Variants in FIGNL2 observed in about 807,000 individuals in gnomAD.
FIGNL2 encodes fidgetin-like protein 2.
For synonymous variants in FIGNL2, 565 were observed against 484.0 expected (o/e 1.17, Z -2.20); for missense variants, 1,060 against 950.2 (o/e 1.12, Z -1.52).
intron 1 of FIGNL2, chr12:51,845,535 C>A (rs1180928650): frequency 1.0e-6 from 1 of 985,308 alleles, no homozygotes; most frequent in East Asian, 1.1e-4. Context: ...GGCCTGGAGT[C>A]CACATCTCCC....
intron 1 of FIGNL2, among the ~76,000 whole-genome samples, chr12:51,836,566 G>A (rs1346695043): frequency 6.6e-6 from 1 of 152,056 alleles, no homozygotes; most frequent in Non-Finnish European, 1.5e-5. Context: ...GGTGGGGGGC[G>A]GATACTTCAG....
chr12:51,829,161 C>T (rs895444363), intron 1 of FIGNL2, among the ~76,000 whole-genome samples: 2 of 152,248 alleles, frequency 1.3e-5, no homozygotes, highest in Admixed American at 6.5e-5. Context: ...ATTATCTCAG[C>T]CTGGAACAAA....
At chr12:51,824,926 C>T (rs1181403370) in intron 1 of FIGNL2, among the ~76,000 whole-genome samples, 1 of 151,734 alleles carries the variant, frequency 6.6e-6, no homozygotes, top group Non-Finnish European at 1.5e-5. Flanking sequence ...TGCCTGTCAT[C>T]CCAGCTACTC....
chr12:51,820,460 C>T lies in FIGNL2; in HGVS notation c.1954G>A (p.Gly652Arg), dbSNP rs370766286. The change falls in exon 2 of 2, where the codon GGA becomes AGA. Residue 652 changes from glycine (G) to arginine (R), a missense_variant. Physicochemically the swap from Gly to Arg is moderately radical, Grantham distance 125 (BLOSUM62 -2). Transcript: ENST00000618634. ...FVEWDKMYGSGH is the reference protein window; with the variant it reads ...FVEWDKMYGSRH ...GCCTCCCCCGCGCGCCGTCAGTGTC[C>T]GGAGCCGTACATTTTGTCCCACTCC... 30 of 1,588,988 alleles carry T rather than the reference C, an allele frequency of 1.9e-5. No homozygotes were observed. Among genetic ancestry groups the T allele is most frequent in the Admixed American group, 3.4e-5 (2 of 58,884 alleles).
chr12:51,829,810 AAAGG>A (rs112590369), intron 1 of FIGNL2, among the ~76,000 whole-genome samples: 4,080 of 151,370 alleles, frequency 0.027, 191 homozygotes, highest in African/African-American at 0.094. Flanking sequence ...GGAAGGGAGA[AAAGG>A]AAGGAAGAGA....
At position 51,821,989 on chromosome 12, in the gene FIGNL2, G is replaced by A. The variant is rs770721661; in HGVS notation, c.425C>T (p.Pro142Leu). ...SPVLAGNLPE[P>L]LYAGNACGGP... ...CCCGCACGCATTGCCGGCGTAGAGGGGTTCAGGGAGGTTCCCGGCTAAAAC... is the reference window on the plus strand; with the variant it reads ...CCCGCACGCATTGCCGGCGTAGAGGAGTTCAGGGAGGTTCCCGGCTAAAAC... The change falls in exon 2 of 2, where the codon CCC (proline) becomes CTC (leucine). Residue 142 changes from proline to leucine, a missense_variant. Physicochemically the swap from Pro to Leu is moderately conservative, Grantham distance 98. Coordinates refer to ENST00000618634, the MANE Select transcript of FIGNL2 (RefSeq NM_001384995.1). 7 of 1,580,604 alleles carry A rather than the reference G, an allele frequency of 4.4e-6. No individual in the cohort carries two copies. The highest frequency in any genetic ancestry group is 1.2e-5 in the South Asian group (1 of 86,706).
At chr12:51,845,189 C>A (rs1452393808) in intron 1 of FIGNL2, among the ~76,000 whole-genome samples, 2 of 152,218 alleles carry the variant, frequency 1.3e-5, no homozygotes, top group Non-Finnish European at 2.9e-5. Context: ...TCCTTCCATG[C>A]CCTAGTATTC....
At chr12:51,826,849 C>G (rs1272869875) in intron 1 of FIGNL2, among the ~76,000 whole-genome samples, 1 of 152,188 alleles carries the variant, frequency 6.6e-6, no homozygotes, top group Admixed American at 6.5e-5. Flanking sequence ...GCACACAGGC[C>G]CAGAACGATG....
Position 51,821,142 on chromosome 12 carries a change from C to T in FIGNL2, c.1272G>A (p.Pro424=). Residue 424 remains proline (P), a synonymous_variant, in exon 2 of 2, where the codon CCG becomes CCA. Coordinates refer to ENST00000618634, the MANE Select transcript of FIGNL2 (RefSeq NM_001384995.1). ...GCCCAAAGAGCAGGACGGTCCGCGG[C>T]GGGCGCAGGCTGCCCGGGTAGGCGG... ...RPPAYPGSLR[P]PRTVLLFGPR... is the part of the protein sequence containing the mutation. The T allele has an allele frequency of 2.7e-6, 4 of 1,461,086 alleles. No homozygotes were observed. Among genetic ancestry groups the T allele is most frequent in the Admixed American group, 2.8e-5 (1 of 35,340 alleles). 90.5% of individuals were successfully genotyped at this position (1,461,086 alleles called of 1,614,324 possible). A position where few individuals can be genotyped will look rare whatever the true frequency, so the allele number is the denominator to read the frequency against.
At position 51,822,408 on chromosome 12, in the gene FIGNL2, G is replaced by C. The variant is rs184871324; in HGVS notation, c.6C>G (p.His2Gln). The change falls in exon 2 of 2, where the codon CAC becomes CAG. Residue 2 changes from histidine to glutamine, a missense_variant. Transcript: ENST00000618634. M[H>Q]WTPEHAQPLN... ...GGGGCTGGGCGTGTTCTGGTGTCCAGTGCATCTTCAACAGAGCTGCGGGCA... is the reference window on the plus strand; with the variant it reads ...GGGGCTGGGCGTGTTCTGGTGTCCACTGCATCTTCAACAGAGCTGCGGGCA... 3 of 1,613,558 alleles carry C rather than the reference G, an allele frequency of 1.9e-6. No homozygotes were observed. The South Asian group carries it at 3.3e-5, about 18-fold the overall frequency.
At chr12:51,835,316 G>C (rs578107149) in intron 1 of FIGNL2, 1 of 152,288 alleles carries the variant, frequency 6.6e-6, no homozygotes, top group East Asian at 1.9e-4. Context: ...TGTGATCCAG[G>C]ACCTCTTGAG....
chr12:51,834,141 A>G (rs563250052), intron 1 of FIGNL2, among the ~76,000 whole-genome samples: 185 of 151,926 alleles, frequency 1.2e-3, no homozygotes, highest in African/African-American at 4.0e-3. Context: ...GGATGGATGG[A>G]TGATCCTAGA....
At chr12:51,846,801 A>G (rs936395108) in intron 1 of FIGNL2, among the ~76,000 whole-genome samples, 3 of 152,196 alleles carry the variant, frequency 2.0e-5, no homozygotes, top group African/African-American at 7.2e-5. Flanking sequence ...CCTCTGCCCC[A>G]CACAGCCTAA....
At chr12:51,845,621 G>A (rs1000893033) in intron 1 of FIGNL2, 13 of 985,272 alleles carry the variant, frequency 1.3e-5, no homozygotes, top group East Asian at 1.1e-4. Flanking sequence ...TAAAGGAGTC[G>A]ATAACCGCCA....
chr12:51,847,286 C>T (rs1033676011), intron 1 of FIGNL2: 56 of 985,296 alleles, frequency 5.7e-5, no homozygotes, highest in Non-Finnish European at 6.5e-5. Context: ...GCCCAGCCCA[C>T]TCCAGAGACT....
intron 1 of FIGNL2, among the ~76,000 whole-genome samples, chr12:51,822,892 G>T (rs1372907430): frequency 6.6e-6 from 1 of 152,242 alleles, no homozygotes; most frequent in Non-Finnish European, 1.5e-5. Flanking sequence ...GTTATGTAAA[G>T]AGTTGTATGA....
intron 1 of FIGNL2, among the ~76,000 whole-genome samples, chr12:51,836,076 G>A (rs889464755): frequency 1.3e-5 from 2 of 152,142 alleles, no homozygotes; most frequent in East Asian, 3.9e-4. Flanking sequence ...CTCCCAAAGC[G>A]CTGGGATTAC....
In FIGNL2 at chr12:51,834,678, G is replaced by A. The variant is rs573288788; in HGVS notation, c.-11-12254C>T. Among the ~76,000 whole-genome samples, 7 of 152,336 alleles carry A rather than the reference G, an allele frequency of 4.6e-5. No individual in the cohort carries two copies. In the East Asian group the frequency reaches 5.8e-4, roughly 13 times the overall value. ...CGGCCCCCATCTGGGCTCTGTGTAC[G>A]CGTGCACACGCTGACGGGAGGGGAC... is the stretch of plus-strand genomic sequence containing the variant. On this transcript the variant is annotated intron_variant, in intron 1 of 1. Transcript: ENST00000618634.
chr12:51,847,451 A>G (rs1254790964), intron 1 of FIGNL2: 2 of 985,308 alleles, frequency 2.0e-6, no homozygotes, highest in Non-Finnish European at 2.4e-6. Context: ...GACAACACAA[A>G]CATTCTTCAG....
Sources: gnomAD v4.1 joint callset for allele counts (sites outside exome capture counted in the v4.1 genomes callset) on GRCh38, gnomAD v4.1.1 for gene constraint, MANE v1.5 for transcripts, NCBI Gene and HGNC (gene_info 2026-07-23, HGNC 2026-07-21) for gene names.